VAV2: variants seen among roughly 807,000 people sequenced by gnomAD.
The protein encoded by VAV2 is guanine nucleotide exchange factor VAV2.
In VAV2, 67 loss-of-function variants were observed where a neutral mutation model predicts 132.5. The ratio of observed to expected loss-of-function variants is 0.51; its 90% CI spans 0.42 to 0.62. VAV2 has a LOEUF of 0.62. Ranked by LOEUF, VAV2 falls within the 20% of genes least tolerant of loss-of-function variation. The pLI is 0.00. For synonymous variants in VAV2, 492 were observed against 443.5 expected (o/e 1.11, Z -1.37); for missense variants, 938 against 1,153.6 (o/e 0.81, Z 2.71).
rs35233677 is a variant in VAV2 at position 133,884,733 on chromosome 9, T to G, written c.322-23301A>C. Among the ~76,000 whole-genome samples, 13,403 of 152,242 alleles carry G rather than the reference T, an allele frequency of 0.088. 733 individuals are homozygous for G. The highest frequency in any genetic ancestry group is 0.13 in the Admixed American group (2,007 of 15,296). ...TTAACTCCAAAGATTTTTAATTAGCTTTATTCACTCAAAACACACGGATAA... is the reference window on the plus strand; with the variant it reads ...TTAACTCCAAAGATTTTTAATTAGCGTTATTCACTCAAAACACACGGATAA... On this transcript the variant is annotated intron_variant, in intron 2 of 29. Coordinates refer to ENST00000371850, the MANE Select transcript of VAV2 (RefSeq NM_001134398.2). This position sits in a 1 kb window ranked among gnomAD's most constrained non-coding sequence, Gnocchi z 5.3.
intron 1 of VAV2, among the ~76,000 whole-genome samples, chr9:133,977,201 C>T (rs962721476): frequency 6.6e-6 from 1 of 152,240 alleles, no homozygotes. Flanking sequence ...CAGCATCCCA[C>T]GAGGACCTCC....
rs1438119291 is a variant in VAV2 at position 133,991,391 on chromosome 9, C to A, written c.204+684G>T. Among the ~76,000 whole-genome samples the A allele has an allele frequency of 6.6e-6, 1 of 152,156 alleles. No homozygotes were observed. ...CCGCCGCGACAAAGGCCACACTCAG[C>A]GCCCGAAGGAGGGGTGGGGGTGTTG... is the stretch of plus-strand genomic sequence containing the variant. On this transcript the variant is annotated intron_variant, in intron 1 of 29. Transcript: ENST00000371850. The surrounding 1 kb of genome is among the most constrained non-coding windows in gnomAD (Gnocchi z 4.8).
chr9:133,971,909 A>G (rs1178143804), intron 1 of VAV2, among the ~76,000 whole-genome samples: 3 of 152,124 alleles, frequency 2.0e-5, no homozygotes, highest in African/African-American at 2.4e-5. Context: ...GGGGCTGCAG[A>G]TCCCCGAGCC....
rs1371123791 is a variant in VAV2, at chr9:133,788,299, C to T, written c.1407+55G>A. The T allele has an allele frequency of 4.6e-6, 7 of 1,533,618 alleles. No individual in the cohort carries two copies. Among genetic ancestry groups the T allele is most frequent in the Non-Finnish European group, 5.3e-6 (6 of 1,122,996 alleles). The stretch of plus-strand genomic sequence containing the variant: ...CCCTGGGGTCTGGAACCCAGTGCCT[C>T]TCTCCAGGCCACCCCCACGTTCCTG... On this transcript the variant is annotated intron_variant, in intron 15 of 29. Transcript: ENST00000371850. The surrounding 1 kb of genome is among the most constrained non-coding windows in gnomAD (Gnocchi z 5.3).
intron 2 of VAV2, among the ~76,000 whole-genome samples, chr9:133,894,896 G>A (rs984090726): frequency 6.6e-6 from 1 of 152,218 alleles, no homozygotes; most frequent in Non-Finnish European, 1.5e-5. Flanking sequence ...GCCCTCACCG[G>A]CCCTAGACCC....
In VAV2 at chr9:133,801,868, C is replaced by G. The variant is rs1046436042; in HGVS notation, c.837-4059G>C. On this transcript the variant is annotated intron_variant, in intron 9 of 29. Coordinates refer to ENST00000371850, the MANE Select transcript of VAV2 (RefSeq NM_001134398.2). ...AGCAGCTGCAGGACGTAGGAAGGAT[C>G]CCCCTGAAGCCTCTGCAGGAAGCAT... is the stretch of plus-strand genomic sequence containing the variant. Among the ~76,000 whole-genome samples the G allele has an allele frequency of 1.6e-4, 25 of 152,158 alleles. 1 individual carries two copies. Among genetic ancestry groups the G allele is most frequent in the Admixed American group, 1.4e-3 (21 of 15,284 alleles).
chr9:133,904,379 G>A (rs1486337687), intron 2 of VAV2, among the ~76,000 whole-genome samples: 2 of 152,170 alleles, frequency 1.3e-5, no homozygotes, highest in African/African-American at 2.4e-5. Flanking sequence ...CAATAAAAGC[G>A]ACCATCAACG....
At chr9:133,856,033 G>A (rs906114208) in intron 3 of VAV2, among the ~76,000 whole-genome samples, 1 of 152,250 alleles carries the variant, frequency 6.6e-6, no homozygotes, top group African/African-American at 2.4e-5. Context: ...ACAAGATGCG[G>A]GGTGGGAGAA....
At chr9:133,984,869 C>T (rs1564525888) in intron 1 of VAV2, among the ~76,000 whole-genome samples, 3 of 150,416 alleles carry the variant, frequency 2.0e-5, no homozygotes. Flanking sequence ...GATTGTGCCA[C>T]TGCATTCCAG....
At chr9:133,910,802 C>T (rs35147154) in intron 2 of VAV2, among the ~76,000 whole-genome samples, 19,920 of 136,092 alleles carry the variant, frequency 0.15, 1,578 homozygotes, top group Middle Eastern at 0.25. Context: ...CCAGCCTGGG[C>T]GACAGAGCGA....
intron 4 of VAV2, 98 bp from the exon 5 acceptor site, chr9:133,812,314 G>C (rs1460306435): frequency 2.5e-6 from 3 of 1,216,120 alleles, no homozygotes; most frequent in Non-Finnish European, 2.4e-6. Context: ...GCAGGCGGCT[G>C]GGGCCACAGC....
At chr9:133,856,509 A>C (rs1427084054) in intron 3 of VAV2, among the ~76,000 whole-genome samples, 1 of 149,602 alleles carries the variant, frequency 6.7e-6, no homozygotes, top group Non-Finnish European at 1.5e-5. Context: ...CCCCATGCTG[A>C]TATGTGCCCA....
chr9:133,970,255 C>T (rs1842284796), intron 1 of VAV2, among the ~76,000 whole-genome samples: 1 of 152,212 alleles, frequency 6.6e-6, no homozygotes, highest in African/African-American at 2.4e-5. Flanking sequence ...GGGGAAGGGC[C>T]CCACCCGATG....
In VAV2 at chr9:133,985,733, C is replaced by T. The variant is rs146783515; in HGVS notation, c.204+6342G>A. Among the ~76,000 whole-genome samples the T allele has an allele frequency of 7.2e-5, 11 of 152,280 alleles. No homozygotes were observed. The South Asian group carries it at 1.0e-3, about 14-fold the overall frequency. ...GGGTTACCAGCCAGAAAGTCAGGCA[C>T]GGTATTCACATGTCCTCTGCAGCTC... On this transcript the variant is annotated intron_variant, in intron 1 of 29. Coordinates refer to ENST00000371850, the MANE Select transcript of VAV2 (RefSeq NM_001134398.2).
intron 2 of VAV2, among the ~76,000 whole-genome samples, chr9:133,869,006 T>TC: frequency 6.6e-6 from 1 of 151,938 alleles, no homozygotes; most frequent in Admixed American, 6.5e-5. Flanking sequence ...TTCTTTTTTT[T>TC]TTTTTTTGAG....
intron 2 of VAV2, among the ~76,000 whole-genome samples, chr9:133,889,965 C>T (rs1013526337): frequency 5.9e-5 from 9 of 152,204 alleles, no homozygotes; most frequent in African/African-American, 1.2e-4. Flanking sequence ...GATGACTCCA[C>T]GAATTACTGT....
rs748816609 is a variant in VAV2, at chr9:133,806,083, T to C, written c.834A>G (p.Glu278=). Residue 278 remains glutamate, a splice_region_variant and synonymous_variant, in exon 9 of 30, where the codon GAA becomes GAG. Coordinates refer to ENST00000371850, the MANE Select transcript of VAV2 (RefSeq NM_001134398.2). Reference sequence around the variant, plus strand: ...CCCAGGAGCCGGCAGCCACTCACCTTTCCTTGAAATCGAGGAAGACCTTGG... The same window carrying C: ...CCCAGGAGCCGGCAGCCACTCACCTCTCCTTGAAATCGAGGAAGACCTTGG... ...TLAKVFLDFK[E]RLLIYGEYCS... 2 of 1,612,582 alleles carry C rather than the reference T, an allele frequency of 1.2e-6. No individual in the cohort carries two copies. The highest frequency in any genetic ancestry group is 1.7e-6 in the Non-Finnish European group (2 of 1,179,788).
Position 133,864,132 on chromosome 9 carries a change from G to A in VAV2, c.322-2700C>T, listed in dbSNP as rs1012981987. Among the ~76,000 whole-genome samples, 15 of 152,268 alleles carry A rather than the reference G, an allele frequency of 9.9e-5. No individual in the cohort carries two copies. In the South Asian group the frequency reaches 1.9e-3, roughly 19 times the overall value. The stretch of plus-strand genomic sequence containing the variant: ...ACATTTTCCCTACTTTTATTACCTC[G>A]TCTGTTCCGAGTCCCAGTTAACAAA... On this transcript the variant is annotated intron_variant, in intron 2 of 29. Transcript: ENST00000371850.
At chr9:133,818,013 A>G (rs549356267) in intron 4 of VAV2, among the ~76,000 whole-genome samples, 1 of 152,144 alleles carries the variant, frequency 6.6e-6, no homozygotes, top group South Asian at 2.1e-4. Context: ...GTAAAGATTT[A>G]CCCTCACCAG....
Sources: gnomAD v4.1 joint callset for allele counts (sites outside exome capture counted in the v4.1 genomes callset) on GRCh38, gnomAD v4.1.1 for gene constraint, Gnocchi (gnomAD v3.1) non-coding constraint, MANE v1.5 for transcripts, NCBI Gene and HGNC (gene_info 2026-07-23, HGNC 2026-07-21) for gene names.